The following TUBGCP4 variants were observed in gnomAD, a reference collection of about 807,000 sequenced individuals.
The protein encoded by TUBGCP4 is gamma-tubulin complex component 4.
In TUBGCP4, 54 loss-of-function variants were observed where a neutral mutation model predicts 91.6. That is an observed-to-expected ratio of 0.59 (90% CI 0.47 to 0.74). TUBGCP4 has a LOEUF of 0.74. TUBGCP4 is among the 30% of genes least tolerant of loss of function. TUBGCP4 has a pLI of 0.00. For synonymous variants in TUBGCP4, 297 were observed against 302.8 expected (o/e 0.98, Z 0.20); for missense variants, 593 against 800.9 (o/e 0.74, Z 3.13).
At chr15:43,375,969 C>T in intron 1 of TUBGCP4, 129 bp from the exon 2 acceptor site, 2 of 1,386,786 alleles carry the variant, frequency 1.4e-6, no homozygotes, top group African/African-American at 1.4e-5. Context: ...CATTGTTATC[C>T]AGAACTTAAC....
At chr15:43,388,232 C>G (rs1042961265) in intron 9 of TUBGCP4, among the ~76,000 whole-genome samples, 2 of 152,184 alleles carry the variant, frequency 1.3e-5, no homozygotes, top group African/African-American at 4.8e-5. Context: ...GACTAAAAAG[C>G]AGTGCACTTC....
chr15:43,385,957 G>A lies in TUBGCP4; in HGVS notation c.889+1G>A, dbSNP rs2044350405. The A allele has an allele frequency of 6.2e-7, 1 of 1,613,602 alleles. No homozygotes were observed. The highest frequency in any genetic ancestry group is 1.7e-5 in the Admixed American group (1 of 59,990). On this transcript the variant is annotated splice_donor_variant, in intron 8 of 17. Transcript: ENST00000564079. LOFTEE classifies it high-confidence loss of function. ...CAAAATGTGAACCTGACTAGAAAAG[G>A]TAGAAATCTCCTTGTCCAATGTACC... is the stretch of plus-strand genomic sequence containing the variant.
intron 4 of TUBGCP4, 80 bp downstream of exon 4, chr15:43,377,147 A>G (rs977943910): frequency 4.3e-5 from 54 of 1,268,028 alleles, no homozygotes; most frequent in Non-Finnish European, 5.8e-5. Flanking sequence ...TGTTTTTGAG[A>G]ACTTTTTTTC....
intron 15 of TUBGCP4, chr15:43,402,288 A>G (rs1222807284): frequency 6.5e-6 from 1 of 154,314 alleles, no homozygotes; most frequent in Non-Finnish European, 1.4e-5. Context: ...TTGGGGGAGC[A>G]GATAAAAAAA....
chr15:43,406,366 CTT>C lies in TUBGCP4; in HGVS notation c.*1153_*1154del. The C allele has an allele frequency of 3.1e-6, 1 of 317,482 alleles. No homozygotes were observed. The highest frequency in any genetic ancestry group is 2.8e-5 in the South Asian group (1 of 36,164). 19.7% of individuals were successfully genotyped at this position (317,482 alleles called of 1,614,324 possible). On this transcript the variant is annotated 3_prime_UTR_variant, in exon 18 of 18. Coordinates refer to ENST00000564079, the MANE Select transcript of TUBGCP4 (RefSeq NM_014444.5). ...TACACACACTGGGAAGCTCTGACAA[CTT>C]ATTCCCTGCTATTATCAACTAAAGA...
intron 9 of TUBGCP4, among the ~76,000 whole-genome samples, chr15:43,390,761 G>A (rs989550645): frequency 2.0e-5 from 3 of 151,840 alleles, no homozygotes; most frequent in East Asian, 3.9e-4. Context: ...CACCTGCCTC[G>A]GCTTCTCAAA....
intron 17 of TUBGCP4, 174 bp downstream of exon 17, chr15:43,404,726 G>A: frequency 1.4e-6 from 1 of 697,052 alleles, no homozygotes; most frequent in Non-Finnish European, 2.3e-6. Context: ...TTTTCTAGTA[G>A]AAGTCATCAT....
intron 13 of TUBGCP4, among the ~76,000 whole-genome samples, 184 bp from the exon 14 acceptor site, chr15:43,399,860 C>T (rs2044639343): frequency 6.6e-6 from 1 of 152,086 alleles, no homozygotes; most frequent in Non-Finnish European, 1.5e-5. Flanking sequence ...GGAGTTCATT[C>T]GACTGCTATA....
intron 1 of TUBGCP4, among the ~76,000 whole-genome samples, chr15:43,375,377 T>C (rs1022867036): frequency 6.6e-6 from 1 of 152,242 alleles, no homozygotes. Flanking sequence ...CTGAACTATA[T>C]ACTTAAAATA....
rs2044931171 is a variant in TUBGCP4, at chr15:43,407,238, A to ATTTAT, written c.*2030_*2034dup. 1 of 697,810 alleles carries ATTTAT rather than the reference A, an allele frequency of 1.4e-6. No individual in the cohort carries two copies. The highest frequency in any genetic ancestry group is 1.8e-5 in the African/African-American group (1 of 55,618). The allele number at this position is 697,810 out of a possible 1,614,324, so 43.2% of individuals were successfully genotyped here. On this transcript the variant is annotated 3_prime_UTR_variant, in exon 18 of 18. Transcript: ENST00000564079. ...GTTACTACAACCAAAGAGATTCAACATTTATTTTATCATAAAAGTTCAGCA... is the reference window on the plus strand; with the variant it reads ...GTTACTACAACCAAAGAGATTCAACATTTATTTTATTTTATCATAAAAGTTCAGCA...
chr15:43,382,958 A>G (rs914493035), intron 6 of TUBGCP4, among the ~76,000 whole-genome samples: 5 of 152,210 alleles, frequency 3.3e-5, no homozygotes, highest in Non-Finnish European at 7.3e-5. Context: ...AAGAGACTCC[A>G]TTAAGTCGAT....
chr15:43,399,998 A>G, intron 13 of TUBGCP4, 46 bp from the exon 14 acceptor site: 1 of 1,526,372 alleles, frequency 6.6e-7, no homozygotes, highest in Non-Finnish European at 8.9e-7. Context: ...GGGGAAGTGC[A>G]GGGGATGAAA....
chr15:43,385,498 T>C (rs995518913), intron 7 of TUBGCP4: 1 of 488,814 alleles, frequency 2.0e-6, no homozygotes, highest in Admixed American at 2.7e-5. Flanking sequence ...ACCACCTCTT[T>C]CATCGTACAA....
At position 43,408,438 on chromosome 15, in the gene TUBGCP4, G is replaced by A. The variant is rs926540770; in HGVS notation, c.*3224G>A. 6 of 272,682 alleles carry A rather than the reference G, an allele frequency of 2.2e-5. No individual in the cohort carries two copies. The highest frequency in any genetic ancestry group is 4.9e-5 in the Admixed American group (1 of 20,394). The allele number at this position is 272,682 out of a possible 1,614,324, so 16.9% of individuals were successfully genotyped here. ...TGAGGCTGCAGTAAGTCGTCACTGC[G>A]CCACTGTACTCCAGCCTAGGTGACA... is the stretch of plus-strand genomic sequence containing the variant. On this transcript the variant is annotated 3_prime_UTR_variant, in exon 18 of 18. Transcript: ENST00000564079.
chr15:43,374,456 T>A lies in TUBGCP4; in HGVS notation c.79-1642T>A, dbSNP rs560260729. On this transcript the variant is annotated intron_variant, in intron 1 of 17. Coordinates refer to ENST00000564079, the MANE Select transcript of TUBGCP4 (RefSeq NM_014444.5). ...AGACTCCATCTCTACAAAAAAAAAA[T>A]TTTTAATTAGCTGGGCATGGTGACA... 2.4e-4 allele frequency among the ~76,000 whole-genome samples: 36 copies of A among 151,732 alleles called. 1 individual carries two copies. The East Asian group carries it at 3.1e-3, about 13-fold the overall frequency.
intron 15 of TUBGCP4, chr15:43,402,133 A>G (rs932267563): frequency 7.5e-6 from 2 of 267,550 alleles, no homozygotes; most frequent in Admixed American, 5.0e-5. Flanking sequence ...AAAAAAAAAT[A>G]ATAGGTGTGG....
intron 6 of TUBGCP4, 51 bp from the exon 7 acceptor site, chr15:43,383,252 G>A (rs754666417): frequency 1.3e-6 from 2 of 1,506,568 alleles, no homozygotes; most frequent in Non-Finnish European, 1.8e-6. Context: ...TGTTTATCCT[G>A]TAACAGTTTA....
Position 43,409,748 on chromosome 15 carries a change from T to TA in TUBGCP4, c.*4545dup, listed in dbSNP as rs56813954. ...GGAGGAATTTCCAAAAATTCTATAT[T>TA]AAAAAAAAAAACCAAGATAATAATT... is the stretch of plus-strand genomic sequence containing the variant. On this transcript the variant is annotated 3_prime_UTR_variant, in exon 18 of 18. Coordinates refer to ENST00000564079, the MANE Select transcript of TUBGCP4 (RefSeq NM_014444.5). 27,650 of 1,182,700 alleles carry TA rather than the reference T, an allele frequency of 0.023. No individual in the cohort carries two copies. The highest frequency in any genetic ancestry group is 0.029 in the South Asian group (1,883 of 64,016). The allele number at this position is 1,182,700 out of a possible 1,614,324, so 73.3% of individuals were successfully genotyped here. A position where few individuals can be genotyped will look rare whatever the true frequency, so the allele number is the denominator to read the frequency against.
chr15:43,377,144 G>A (rs2044218240), intron 4 of TUBGCP4, 77 bp downstream of exon 4: 1 of 1,306,518 alleles, frequency 7.7e-7, no homozygotes, highest in South Asian at 1.2e-5. Flanking sequence ...TACTGTTTTT[G>A]AGAACTTTTT....
Sources: gnomAD v4.1 joint callset for allele counts (sites outside exome capture counted in the v4.1 genomes callset) on GRCh38, gnomAD v4.1.1 for gene constraint, MANE v1.5 for transcripts, NCBI Gene and HGNC (gene_info 2026-07-23, HGNC 2026-07-21) for gene names.